Variants in CALN1 observed in about 807,000 individuals in gnomAD.
The protein encoded by CALN1 is calcium-binding protein 8.
In CALN1, 17 loss-of-function variants were observed where a neutral mutation model predicts 30.6. That is an observed-to-expected ratio of 0.56 (90% CI 0.38 to 0.83). The LOEUF (loss-of-function observed/expected upper bound fraction) is 0.83, where lower values mean the gene tolerates loss of function less well. CALN1 is among the 40% of genes least tolerant of loss of function. The pLI is 0.00. For missense variants in CALN1, 291 were observed against 354.9 expected (o/e 0.82, Z 1.45); for synonymous variants, 156 against 131.4 (o/e 1.19, Z -1.28).
intron 3 of CALN1, among the ~76,000 whole-genome samples, chr7:72,190,143 GT>G (rs1790497512): frequency 6.6e-6 from 1 of 152,120 alleles, no homozygotes; most frequent in Non-Finnish European, 1.5e-5. Context: ...ATCACCTAAG[GT>G]CAGGAGTTCG....
At chr7:72,137,589 A>C (rs116325866) in intron 3 of CALN1, among the ~76,000 whole-genome samples, 3,957 of 152,344 alleles carry the variant, frequency 0.026, 183 homozygotes, top group African/African-American at 0.09. Context: ...TGCAAGGTGC[A>C]ATAAAGTGAA....
chr7:72,357,041 T>C (rs1321390064), intron 2 of CALN1, among the ~76,000 whole-genome samples: 1 of 151,974 alleles, frequency 6.6e-6, no homozygotes, highest in Non-Finnish European at 1.5e-5. Flanking sequence ...GGACATTTTT[T>C]AAAACCTCCT....
At chr7:72,374,423 G>A (rs1914395) in intron 2 of CALN1, among the ~76,000 whole-genome samples, 14,842 of 151,588 alleles carry the variant, frequency 0.098, 1,038 homozygotes, top group East Asian at 0.35. Context: ...CAGCTATTCA[G>A]GAGGCTGAGG....
chr7:71,978,262 C>CTTCTTTTTTTTTTTTTTTTTTTTT (rs1798201342), intron 5 of CALN1, among the ~76,000 whole-genome samples: 1 of 72,950 alleles, frequency 1.4e-5, no homozygotes, highest in African/African-American at 5.7e-5. Flanking sequence ...CTAGAGAATT[C>CTTCTTTTTTTTTTTTTTTTTTTTT]TTTTTTTTTT....
chr7:71,846,703 CTA>C (rs138171781), intron 5 of CALN1, among the ~76,000 whole-genome samples: 61 of 145,624 alleles, frequency 4.2e-4, no homozygotes, highest in East Asian at 6.0e-4. Flanking sequence ...TACTTGGAGG[CTA>C]TATATATATA....
chr7:72,027,651 C>T (rs796202989), intron 4 of CALN1, among the ~76,000 whole-genome samples: 11 of 151,618 alleles, frequency 7.3e-5, no homozygotes, highest in African/African-American at 2.7e-4. Flanking sequence ...GCAGAGGTTG[C>T]AGTGAGCTAA....
intron 5 of CALN1, among the ~76,000 whole-genome samples, chr7:71,958,041 G>A (rs1797048331): frequency 7.8e-6 from 1 of 127,658 alleles, no homozygotes; most frequent in Non-Finnish European, 1.6e-5. Flanking sequence ...CTCCAGCCTA[G>A]GTGACAAGAG....
chr7:72,277,665 T>C (rs1342180105), intron 3 of CALN1, among the ~76,000 whole-genome samples: 1 of 152,184 alleles, frequency 6.6e-6, no homozygotes, highest in African/African-American at 2.4e-5. Flanking sequence ...TGGCCTCTCC[T>C]CTTCACCTCC....
the CALN1 span, among the ~76,000 whole-genome samples, chr7:72,491,437 T>C: frequency 6.6e-6 from 1 of 151,842 alleles, no homozygotes; most frequent in African/African-American, 2.4e-5. Flanking sequence ...AGTATGGTGG[T>C]GTGCACCTGT....
In CALN1 at chr7:71,974,443, GGAAAAA is replaced by G. The variant is rs1311798444; in HGVS notation, c.501+49208_501+49213del. Among the ~76,000 whole-genome samples, 6 of 128,114 alleles carry G rather than the reference GGAAAAA, an allele frequency of 4.7e-5. No homozygotes were observed. In the East Asian group the frequency reaches 1.2e-3, roughly 25 times the overall value. 84.0% of individuals were successfully genotyped at this position (128,114 alleles called of 152,430 possible). A position where few individuals can be genotyped will look rare whatever the true frequency, so the allele number is the denominator to read the frequency against. On this transcript the variant is annotated intron_variant, in intron 5 of 6. Transcript: ENST00000395275. ...AAAAAAAAAAAAAAAAAAAAAAAAA[GGAAAAA>G]GAAAAAGAAAAAAAAACCCCACACA...
rs528161603 is a variant in CALN1, at chr7:71,827,033, T to C, written c.502-16541A>G. 9.2e-5 allele frequency among the ~76,000 whole-genome samples: 14 copies of C among 152,190 alleles called. No homozygotes were observed. The South Asian group carries it at 2.9e-3, about 32-fold the overall frequency. ...GGAGGAAATGCCAGCCGGATGCACG[T>C]AGGGATAGGGTGCAGCCGGAGTCCA... On this transcript the variant is annotated intron_variant, in intron 5 of 6. Transcript: ENST00000395275.
Position 71,972,352 on chromosome 7 carries a change from A to G in CALN1, c.501+51305T>C, listed in dbSNP as rs138112913. On this transcript the variant is annotated intron_variant, in intron 5 of 6. Coordinates refer to ENST00000395275, the MANE Select transcript of CALN1 (RefSeq NM_031468.4). ...CTGACTCGAAAATTGTGTGGGCCAA[A>G]AGACTTCTGGTTATAGAATGGCGGC... Among the ~76,000 whole-genome samples, 740 of 152,292 alleles carry G rather than the reference A, an allele frequency of 4.9e-3. 6 individuals carry two copies. The highest frequency in any genetic ancestry group is 6.4e-3 in the Non-Finnish European group (436 of 68,028).
At chr7:72,246,850 G>A (rs528423229) in intron 3 of CALN1, among the ~76,000 whole-genome samples, 2 of 147,350 alleles carry the variant, frequency 1.4e-5, no homozygotes, top group African/African-American at 5.0e-5. Flanking sequence ...CGCCTCCCAG[G>A]TTCAAGCAGT....
chr7:72,352,244 C>T lies in CALN1; in HGVS notation c.119+51007G>A, dbSNP rs369775938. On this transcript the variant is annotated intron_variant, in intron 2 of 6. Coordinates refer to ENST00000395275, the MANE Select transcript of CALN1 (RefSeq NM_031468.4). ...ACTCTACTAAAAGTACCAAAATTAG[C>T]CAGGCGTGGTGGCACATGCCTGTAG... 2.6e-5 allele frequency among the ~76,000 whole-genome samples: 4 copies of T among 151,944 alleles called. No individual in the cohort carries two copies. The East Asian group carries it at 7.7e-4, about 29-fold the overall frequency.
At chr7:72,325,715 T>G (rs1019736180) in intron 2 of CALN1, among the ~76,000 whole-genome samples, 1 of 152,168 alleles carries the variant, frequency 6.6e-6, no homozygotes, top group Non-Finnish European at 1.5e-5. Flanking sequence ...GGCTTGGGTC[T>G]TGGCAGGAAA....
At chr7:72,485,953 T>C in the CALN1 span, among the ~76,000 whole-genome samples, 5 of 152,340 alleles carry the variant, frequency 3.3e-5, no homozygotes, top group East Asian at 5.8e-4. Context: ...TATGTTCTTT[T>C]TTATTTTTAT....
At chr7:71,855,298 G>A (rs886990564) in intron 5 of CALN1, among the ~76,000 whole-genome samples, 9 of 152,286 alleles carry the variant, frequency 5.9e-5, no homozygotes, top group Non-Finnish European at 8.8e-5. Flanking sequence ...TCAGGAGTCC[G>A]TGTTTCATGA....
chr7:72,440,303 C>A (rs994444461), intron 1 of CALN1, among the ~76,000 whole-genome samples: 2 of 152,170 alleles, frequency 1.3e-5, no homozygotes, highest in Admixed American at 1.3e-4. Flanking sequence ...TATCTCAGAG[C>A]ACTGGTAAAT....
the CALN1 span, among the ~76,000 whole-genome samples, chr7:72,487,745 G>A: frequency 9.1e-6 from 1 of 110,352 alleles, no homozygotes; most frequent in Admixed American, 9.8e-5. Flanking sequence ...AAGGAAGGAA[G>A]GAAGGAAGGA....
Sources: gnomAD v4.1 joint callset for allele counts (sites outside exome capture counted in the v4.1 genomes callset) on GRCh38, gnomAD v4.1.1 for gene constraint, MANE v1.5 for transcripts, NCBI Gene and HGNC (gene_info 2026-07-23, HGNC 2026-07-21) for gene names.